The following SGCZ variants were observed in gnomAD, a reference collection of about 807,000 sequenced individuals.
The protein encoded by SGCZ is zeta-sarcoglycan.
In SGCZ, 40 loss-of-function variants were observed where a neutral mutation model predicts 41.3. That is an observed-to-expected ratio of 0.97 (90% CI 0.75 to 1.26). The LOEUF (loss-of-function observed/expected upper bound fraction) is 1.26, where lower values mean the gene tolerates loss of function less well. Among genes scored for constraint, SGCZ ranks in the 50% most tolerant of loss-of-function variants. SGCZ has a pLI of 0.00. For missense variants in SGCZ, 552 were observed against 369.8 expected, an observed-to-expected ratio of 1.49 and a Z score of -4.04; for synonymous variants, 206 against 137.5, an observed-to-expected ratio of 1.50 and a Z score of -3.49.
chr8:14,869,502 G>T (rs1172866893), intron 1 of SGCZ, among the ~76,000 whole-genome samples: 1 of 152,076 alleles, frequency 6.6e-6, no homozygotes, highest in Non-Finnish European at 1.5e-5. Flanking sequence ...GGCAAAAGCT[G>T]GAAGCATTCC....
At chr8:15,152,825 T>C (rs186025886) in intron 1 of SGCZ, among the ~76,000 whole-genome samples, 7 of 152,180 alleles carry the variant, frequency 4.6e-5, no homozygotes, top group African/African-American at 1.4e-4. Flanking sequence ...TAAGTACCTA[T>C]ATCAGATAAA....
At chr8:14,664,342 T>A (rs1181281405) in intron 1 of SGCZ, among the ~76,000 whole-genome samples, 2 of 152,180 alleles carry the variant, frequency 1.3e-5, no homozygotes, top group East Asian at 3.9e-4. Flanking sequence ...AATCTCTAAC[T>A]AGAATTATGT....
intron 1 of SGCZ, among the ~76,000 whole-genome samples, chr8:14,802,967 T>C (rs1801374705): frequency 6.6e-6 from 1 of 152,154 alleles, no homozygotes; most frequent in African/African-American, 2.4e-5. Context: ...TTCTTGTTTG[T>C]AGATAGCAGA....
At chr8:14,132,147 T>C (rs1308313814) in intron 5 of SGCZ, among the ~76,000 whole-genome samples, 1 of 152,182 alleles carries the variant, frequency 6.6e-6, no homozygotes, top group Non-Finnish European at 1.5e-5. Context: ...TTCCTTTTTT[T>C]CATTTCTGCT....
chr8:14,951,776 C>A (rs1447486449), intron 1 of SGCZ, among the ~76,000 whole-genome samples: 1 of 151,934 alleles, frequency 6.6e-6, no homozygotes, highest in African/African-American at 2.4e-5. Context: ...GTATAAAAAT[C>A]TTTGTGATCA....
chr8:14,756,972 C>G (rs888812250), intron 1 of SGCZ, among the ~76,000 whole-genome samples: 2 of 152,180 alleles, frequency 1.3e-5, no homozygotes, highest in African/African-American at 2.4e-5. Context: ...TGTTTGAGAT[C>G]TGGAATAACC....
At chr8:14,860,750 G>GAA (rs1563321436) in intron 1 of SGCZ, among the ~76,000 whole-genome samples, 9 of 150,124 alleles carry the variant, frequency 6.0e-5, no homozygotes, top group African/African-American at 1.5e-4. Context: ...AAGTAAGTAA[G>GAA]TGAGGGAGGG....
At chr8:14,914,252 TA>T (rs1799362842) in intron 1 of SGCZ, among the ~76,000 whole-genome samples, 1 of 151,088 alleles carries the variant, frequency 6.6e-6, no homozygotes, top group African/African-American at 2.5e-5. Flanking sequence ...AGAGAGTGTG[TA>T]ATGTCAATTA....
At chr8:15,209,841 T>C (rs1161094962) in intron 1 of SGCZ, among the ~76,000 whole-genome samples, 2 of 152,146 alleles carry the variant, frequency 1.3e-5, no homozygotes, top group Admixed American at 1.3e-4. Flanking sequence ...CGGAAGTAAA[T>C]ATACATTGTT....
intron 3 of SGCZ, among the ~76,000 whole-genome samples, chr8:14,242,960 C>A (rs1407678668): frequency 6.6e-6 from 1 of 152,226 alleles, no homozygotes; most frequent in Non-Finnish European, 1.5e-5. Flanking sequence ...TATACTCACA[C>A]ACACAAACAC....
intron 1 of SGCZ, among the ~76,000 whole-genome samples, chr8:15,107,649 T>C (rs541607691): frequency 2.0e-5 from 3 of 152,080 alleles, no homozygotes; most frequent in Admixed American, 2.0e-4. Context: ...TACATAAACC[T>C]TTTTTTTGTT....
rs145581855 is a variant in SGCZ at position 14,581,441 on chromosome 8, G to T, written c.40-26515C>A. On this transcript the variant is annotated intron_variant, in intron 1 of 7. Transcript: ENST00000382080. ...TGCTTACTATGTTTTTTGTTTGTTT[G>T]TTTTTTTGTTTTTTTTTTTCCCCCA... is the stretch of plus-strand genomic sequence containing the variant. 2.8e-3 allele frequency among the ~76,000 whole-genome samples: 426 copies of T among 150,502 alleles called. 3 individuals are homozygous for T. Among genetic ancestry groups the T allele is most frequent in the African/African-American group, 1.0e-2 (408 of 40,860 alleles).
At chr8:14,495,501 C>T (rs7010413) in intron 2 of SGCZ, among the ~76,000 whole-genome samples, 77,627 of 151,860 alleles carry the variant, frequency 0.51, 20,278 homozygotes, top group African/African-American at 0.61. Context: ...TATCAGGAAG[C>T]GATCAGATTG....
chr8:14,696,930 G>GA (rs766168493), intron 1 of SGCZ, among the ~76,000 whole-genome samples: 7 of 150,130 alleles, frequency 4.7e-5, no homozygotes, highest in Non-Finnish European at 8.8e-5. Flanking sequence ...TGATGACAGT[G>GA]AAAAATAATT....
intron 1 of SGCZ, among the ~76,000 whole-genome samples, chr8:15,031,933 C>CTCTCTCTCTCTT (rs1803684212): frequency 6.6e-6 from 1 of 151,660 alleles, no homozygotes; most frequent in Admixed American, 6.6e-5. Flanking sequence ...CTCTCTCTCT[C>CTCTCTCTCTCTT]TCTCTGTCTG....
chr8:14,665,247 G>C (rs557479543), intron 1 of SGCZ, among the ~76,000 whole-genome samples: 2 of 152,182 alleles, frequency 1.3e-5, no homozygotes, highest in East Asian at 1.9e-4. Flanking sequence ...CCACCTATGA[G>C]TGAGAAAATG....
intron 3 of SGCZ, among the ~76,000 whole-genome samples, chr8:14,238,016 T>A (rs1413898356): frequency 6.6e-6 from 1 of 152,240 alleles, no homozygotes; most frequent in East Asian, 1.9e-4. Flanking sequence ...TTCCAGACGC[T>A]ATCCCAATGG....
chr8:14,158,095 CAT>C lies in SGCZ; in HGVS notation c.547+6483_547+6484del, dbSNP rs200726899. Among the ~76,000 whole-genome samples the C allele has an allele frequency of 4.8e-3, 722 of 151,966 alleles. 6 individuals carry two copies. The highest frequency in any genetic ancestry group is 0.016 in the African/African-American group (666 of 41,476). ...CAGCTTTGGTCCTAAGTTATTTTCACATGTCTTTTTTTTTTTCCTCATCAAAA... is the reference window on the plus strand; with the variant it reads ...CAGCTTTGGTCCTAAGTTATTTTCACGTCTTTTTTTTTTTCCTCATCAAAA... On this transcript the variant is annotated intron_variant, in intron 5 of 7. Transcript: ENST00000382080.
intron 2 of SGCZ, among the ~76,000 whole-genome samples, chr8:14,382,263 G>T (rs1224708953): frequency 6.6e-6 from 1 of 152,168 alleles, no homozygotes; most frequent in East Asian, 1.9e-4. Flanking sequence ...TCTAACTAAA[G>T]AATATTTACA....
Sources: allele counts gnomAD v4.1 joint callset (sites outside exome capture counted in the v4.1 genomes callset), GRCh38; gene constraint gnomAD v4.1.1; transcripts MANE v1.5; gene names NCBI Gene and HGNC (gene_info 2026-07-23, HGNC 2026-07-21).